LRP1B: variants seen among roughly 807,000 people sequenced by gnomAD.
LRP1B encodes low-density lipoprotein receptor-related protein 1B.
A neutral mutation model predicts 556.6 loss-of-function variants in LRP1B; 217 were observed. The observed-to-expected ratio is 0.39, with a 90% CI of 0.35 to 0.44. The LOEUF (loss-of-function observed/expected upper bound fraction) is 0.44. Ranked by LOEUF, LRP1B falls within the 20% of genes least tolerant of loss-of-function variation. LRP1B has a pLI of 1.00. For missense variants in LRP1B, 5,053 were observed against 5,620.8 expected, an observed-to-expected ratio of 0.90 and a Z score of 3.23; for synonymous variants, 2,047 against 1,865.8, an observed-to-expected ratio of 1.10 and a Z score of -2.50.
intron 32 of LRP1B, among the ~76,000 whole-genome samples, chr2:140,802,579 A>T (rs867462787): frequency 3.3e-5 from 5 of 152,260 alleles, no homozygotes; most frequent in African/African-American, 1.2e-4. Flanking sequence ...AGCTAACAGC[A>T]CAGCATACCT....
intron 43 of LRP1B, among the ~76,000 whole-genome samples, chr2:140,588,014 A>T (rs1574111440): frequency 1.3e-5 from 2 of 152,210 alleles, no homozygotes; most frequent in African/African-American, 4.8e-5. Flanking sequence ...AGAGAACATC[A>T]AAACAGTCTC....
intron 2 of LRP1B, among the ~76,000 whole-genome samples, chr2:141,707,222 C>T (rs1692175686): frequency 1.3e-5 from 2 of 152,068 alleles, no homozygotes; most frequent in Admixed American, 1.3e-4. Flanking sequence ...TACGCCATTA[C>T]CAGATTCACC....
chr2:141,195,715 A>T (rs546856557), intron 6 of LRP1B, among the ~76,000 whole-genome samples: 2 of 151,964 alleles, frequency 1.3e-5, no homozygotes, highest in African/African-American at 4.8e-5. Context: ...TTAAAGACAC[A>T]CTCTCTTGAA....
rs2105348211 is a variant in LRP1B, at chr2:140,475,316, G to A, written c.9447C>T (p.Cys3149=). ...PQAGYLYWID[C]CEYPHIGRVG... is the part of the protein sequence containing the mutation. Reference sequence around the variant, plus strand: ...CACGGCCAATATGAGGATACTCGCAGCAGTCAATCCAATACAAATATCTAG... The same window carrying A: ...CACGGCCAATATGAGGATACTCGCAACAGTCAATCCAATACAAATATCTAG... Residue 3149 remains cysteine, a synonymous_variant, in exon 60 of 91, where the codon TGC becomes TGT. Transcript: ENST00000389484. The A allele has an allele frequency of 6.2e-7, 1 of 1,605,294 alleles. No homozygotes were observed. Among genetic ancestry groups the A allele is most frequent in the Admixed American group, 1.7e-5 (1 of 58,870 alleles).
At chr2:140,999,716 T>C (rs1697356950) in intron 15 of LRP1B, among the ~76,000 whole-genome samples, 1 of 152,066 alleles carries the variant, frequency 6.6e-6, no homozygotes, top group Non-Finnish European at 1.5e-5. Flanking sequence ...TATTTGTATC[T>C]GTGGCTTCCA....
intron 26 of LRP1B, 37 bp downstream of exon 26, chr2:140,868,061 TA>T (rs565764708): frequency 0.037 from 38,191 of 1,019,164 alleles, 3 homozygotes; most frequent in South Asian, 0.064. Context: ...ATTATCTAAG[TA>T]AAAAAAAAAA....
chr2:141,106,543 A>AAAAAAAAAATGCATTC (rs1317789616), intron 7 of LRP1B, among the ~76,000 whole-genome samples: 468 of 152,050 alleles, frequency 3.1e-3, no homozygotes, highest in Non-Finnish European at 4.8e-3. Context: ...AAGTAAATAG[A>AAAAAAAAAATGCATTC]CATGTCTGGA....
chr2:141,875,301 C>A (rs1383922165), intron 1 of LRP1B, among the ~76,000 whole-genome samples: 1 of 151,838 alleles, frequency 6.6e-6, no homozygotes, highest in Non-Finnish European at 1.5e-5. Context: ...AACCTGTTAT[C>A]AGGCCACACA....
At chr2:141,425,904 T>C (rs1388807582) in intron 3 of LRP1B, among the ~76,000 whole-genome samples, 1 of 150,710 alleles carries the variant, frequency 6.6e-6, no homozygotes, top group African/African-American at 2.4e-5. Flanking sequence ...TCTTTTGCTG[T>C]GCAGAAGCTC....
chr2:140,237,460 C>T (rs535083813), intron 89 of LRP1B, among the ~76,000 whole-genome samples: 1 of 150,910 alleles, frequency 6.6e-6, no homozygotes, highest in South Asian at 2.1e-4. Context: ...GTACAGATAT[C>T]TCTTCAATGT....
intron 1 of LRP1B, among the ~76,000 whole-genome samples, chr2:142,052,190 C>A (rs974234984): frequency 2.0e-5 from 3 of 151,720 alleles, no homozygotes; most frequent in Non-Finnish European, 4.4e-5. Flanking sequence ...AAAAAAAACT[C>A]AAAAACGTCT....
At chr2:140,740,782 T>C (rs994824513) in intron 35 of LRP1B, among the ~76,000 whole-genome samples, 1 of 152,162 alleles carries the variant, frequency 6.6e-6, no homozygotes, top group Non-Finnish European at 1.5e-5. Flanking sequence ...CTTCTCCCTA[T>C]ATCTTCATAT....
chr2:141,096,619 GGGGAGAGGGGGAGAGAGAGAGA>G (rs1204135520), intron 7 of LRP1B, among the ~76,000 whole-genome samples: 5 of 33,996 alleles, frequency 1.5e-4, no homozygotes, highest in Non-Finnish European at 2.2e-4. Flanking sequence ...TGACAAAGAC[GGGGAGAGGGGGAGAGAGAGAGA>G]GAGAGAGAGA....
intron 15 of LRP1B, among the ~76,000 whole-genome samples, 196 bp downstream of exon 15, chr2:141,005,138 GA>G (rs146822616): frequency 1.7e-3 from 259 of 152,040 alleles, no homozygotes; most frequent in African/African-American, 6.1e-3. Flanking sequence ...TGAACTCCAT[GA>G]AACACCATCA....
intron 2 of LRP1B, among the ~76,000 whole-genome samples, chr2:141,731,285 G>C (rs1346034884): frequency 6.6e-6 from 1 of 152,080 alleles, no homozygotes; most frequent in Non-Finnish European, 1.5e-5. Context: ...GTCTGGGCCT[G>C]CTTGAATCTT....
At chr2:140,426,880 A>T (rs992953687) in intron 66 of LRP1B, among the ~76,000 whole-genome samples, 9 of 152,122 alleles carry the variant, frequency 5.9e-5, no homozygotes, top group African/African-American at 1.9e-4. Context: ...GCTCTGTGAG[A>T]AAGATCCACC....
At position 140,249,539 on chromosome 2, in the gene LRP1B, A is replaced by T. The variant is rs570377016; in HGVS notation, c.13248-2377T>A. Among the ~76,000 whole-genome samples the T allele has an allele frequency of 4.1e-5, 6 of 145,642 alleles. No homozygotes were observed. The East Asian group carries it at 7.8e-4, about 19-fold the overall frequency. On this transcript the variant is annotated intron_variant, in intron 86 of 90. Transcript: ENST00000389484. The stretch of plus-strand genomic sequence containing the variant: ...GACTATTTTACTTATTATATATTGG[A>T]AAAAACTCAAAGACTGTACTGGAGA...
chr2:140,681,269 A>T (rs186021743), intron 41 of LRP1B, among the ~76,000 whole-genome samples: 1 of 152,334 alleles, frequency 6.6e-6, no homozygotes, highest in African/African-American at 2.4e-5. Context: ...AATACACAGT[A>T]AATATTTGCA....
At chr2:141,023,477 T>C (rs935919029) in intron 11 of LRP1B, among the ~76,000 whole-genome samples, 5 of 151,946 alleles carry the variant, frequency 3.3e-5, no homozygotes, top group African/African-American at 4.8e-5. Context: ...GTTCTTCAAA[T>C]GAATGTAATA....
Sources: allele counts gnomAD v4.1 joint callset (sites outside exome capture counted in the v4.1 genomes callset), GRCh38; gene constraint gnomAD v4.1.1; transcripts MANE v1.5; gene names NCBI Gene and HGNC (gene_info 2026-07-23, HGNC 2026-07-21).